Variants in SEMA3A observed in about 807,000 individuals in gnomAD.
SEMA3A encodes the protein semaphorin-3A.
A neutral mutation model predicts 97.9 loss-of-function variants in SEMA3A; 29 were observed. The ratio of observed to expected loss-of-function variants is 0.30; its 90% CI spans 0.22 to 0.40. The LOEUF (loss-of-function observed/expected upper bound fraction) is 0.40, where lower values mean the gene tolerates loss of function less well. Ranked by LOEUF, SEMA3A falls within the 10% of genes least tolerant of loss-of-function variation. The pLI, the probability that SEMA3A is intolerant of heterozygous loss-of-function variation, is 1.00. For synonymous variants in SEMA3A, 321 were observed against 323.7 expected, an observed-to-expected ratio of 0.99 and a Z score of 0.09; for missense variants, 763 against 951.3, an observed-to-expected ratio of 0.80 and a Z score of 2.60.
chr7:84,419,434 G>A (rs1026997738), intron 1 of SEMA3A, among the ~76,000 whole-genome samples: 2 of 151,712 alleles, frequency 1.3e-5, no homozygotes, highest in African/African-American at 4.8e-5. Flanking sequence ...AAAAAGCAGA[G>A]CTTTCAGCAA....
intron 2 of SEMA3A, among the ~76,000 whole-genome samples, chr7:84,370,749 A>C (rs1802953229): frequency 6.6e-6 from 1 of 151,674 alleles, no homozygotes; most frequent in African/African-American, 2.4e-5. Context: ...CATAGGGATG[A>C]AGTTGTAAGA....
intron 2 of SEMA3A, among the ~76,000 whole-genome samples, chr7:84,134,547 T>C (rs965375204): frequency 3.3e-5 from 5 of 152,188 alleles, no homozygotes; most frequent in Non-Finnish European, 7.3e-5. Context: ...AAAATAGATA[T>C]GAAAGGGTAA....
intron 1 of SEMA3A, among the ~76,000 whole-genome samples, chr7:84,174,465 C>G (rs1453751906): frequency 6.6e-6 from 1 of 152,152 alleles, no homozygotes; most frequent in Non-Finnish European, 1.5e-5. Context: ...AGAAGTTTCG[C>G]TTGAGCTTTG....
At chr7:84,465,197 A>G (rs1333151174) in intron 1 of SEMA3A, among the ~76,000 whole-genome samples, 1 of 152,208 alleles carries the variant, frequency 6.6e-6, no homozygotes, top group Non-Finnish European at 1.5e-5. Context: ...GATTATATAC[A>G]ACCAGTGTTT....
chr7:83,990,188 G>C (rs538876632), intron 12 of SEMA3A, among the ~76,000 whole-genome samples: 1 of 151,732 alleles, frequency 6.6e-6, no homozygotes, highest in Admixed American at 6.6e-5. Flanking sequence ...TTGTAAATTT[G>C]TTTGAGTTCA....
intron 3 of SEMA3A, among the ~76,000 whole-genome samples, chr7:84,298,580 CAGA>C (rs1800922823): frequency 6.6e-6 from 1 of 152,124 alleles, no homozygotes; most frequent in African/African-American, 2.4e-5. Flanking sequence ...CATACTCTAC[CAGA>C]AGAAGAGATG....
At chr7:84,264,102 T>C (rs998315568) in intron 3 of SEMA3A, among the ~76,000 whole-genome samples, 16 of 152,240 alleles carry the variant, frequency 1.1e-4, no homozygotes, top group Non-Finnish European at 1.6e-4. Context: ...AGTATATATA[T>C]TTTTATTTTT....
At chr7:84,489,770 T>TG (rs1367569412) in intron 1 of SEMA3A, among the ~76,000 whole-genome samples, 2 of 152,106 alleles carry the variant, frequency 1.3e-5, no homozygotes, top group African/African-American at 4.8e-5. Flanking sequence ...CTTTCTATCT[T>TG]GATGTCTAAT....
intron 3 of SEMA3A, among the ~76,000 whole-genome samples, chr7:84,302,242 G>C (rs1030925280): frequency 6.9e-5 from 9 of 129,594 alleles, no homozygotes; most frequent in African/African-American, 2.5e-4. Flanking sequence ...AAAGGAAAGA[G>C]TTAGGAATAA....
chr7:84,302,912 G>C (rs189946437), intron 3 of SEMA3A, among the ~76,000 whole-genome samples: 1 of 152,028 alleles, frequency 6.6e-6, no homozygotes, highest in East Asian at 1.9e-4. Flanking sequence ...GTTCCTTCTG[G>C]CTCAGAAATT....
At chr7:84,316,051 C>G (rs1056446265) in intron 2 of SEMA3A, among the ~76,000 whole-genome samples, 1 of 140,016 alleles carries the variant, frequency 7.1e-6, no homozygotes, top group East Asian at 2.1e-4. Flanking sequence ...CAGCTACTCA[C>G]GAAGTTGAGG....
In SEMA3A at chr7:84,216,268, G is replaced by A. The variant is rs532861394; in HGVS notation, c.-82-21600C>T. ...ACTACAGGCGCTCGCCACCACACCCGGCTAATTTTTGTATTTTTAGTAGAG... is the reference window on the plus strand; with the variant it reads ...ACTACAGGCGCTCGCCACCACACCCAGCTAATTTTTGTATTTTTAGTAGAG... On this transcript the variant is annotated intron_variant, in intron 3 of 3. Coordinates refer to the SEMA3A transcript ENST00000424555. 1.5e-3 allele frequency among the ~76,000 whole-genome samples: 232 copies of A among 152,082 alleles called. 2 individuals carry two copies. The highest frequency in any genetic ancestry group is 2.6e-3 in the Non-Finnish European group (175 of 67,976).
rs145039697 is a variant in SEMA3A at position 84,210,224 on chromosome 7, G to A, written c.-82-15556C>T. 2.8e-3 allele frequency among the ~76,000 whole-genome samples: 427 copies of A among 152,216 alleles called. 2 individuals are homozygous for A. Among genetic ancestry groups the A allele is most frequent in the African/African-American group, 9.8e-3 (405 of 41,538 alleles). The stretch of plus-strand genomic sequence containing the variant: ...GCCCTTGAGGAGGTCCCAATCTAAT[G>A]AGGGAAAGAGTTACATAAAAATAAA... On this transcript the variant is annotated intron_variant, in intron 3 of 3. Transcript: ENST00000424555.
chr7:84,367,467 C>T (rs1017008422), intron 2 of SEMA3A, among the ~76,000 whole-genome samples: 5 of 150,660 alleles, frequency 3.3e-5, no homozygotes, highest in African/African-American at 7.3e-5. Flanking sequence ...AGAAAAAAAT[C>T]GCCAAACAAT....
Position 84,071,586 on chromosome 7 carries a change from T to C in SEMA3A, c.454-11028A>G, listed in dbSNP as rs551860637. Among the ~76,000 whole-genome samples the C allele has an allele frequency of 2.4e-4, 36 of 152,252 alleles. No homozygotes were observed. The South Asian group carries it at 6.8e-3, about 29-fold the overall frequency. ...AAGCAGGTACAAATTTTACCTATTATGTAAAGATTAGGCCATGATGCACAG... is the reference window on the plus strand; with the variant it reads ...AAGCAGGTACAAATTTTACCTATTACGTAAAGATTAGGCCATGATGCACAG... On this transcript the variant is annotated intron_variant, in intron 4 of 16. Transcript: ENST00000265362.
chr7:83,973,021 G>A (rs1386297242), intron 15 of SEMA3A, among the ~76,000 whole-genome samples: 1 of 152,154 alleles, frequency 6.6e-6, no homozygotes, highest in Non-Finnish European at 1.5e-5. Context: ...ATATCAGAAT[G>A]TGTCTTACAA....
At chr7:84,166,889 A>C in intron 1 of SEMA3A, among the ~76,000 whole-genome samples, 1 of 151,194 alleles carries the variant, frequency 6.6e-6, no homozygotes, top group South Asian at 2.1e-4. Flanking sequence ...CTCAAAAAAA[A>C]AAAAAAAAAA....
At chr7:84,277,696 CA>C (rs1391747477) in intron 3 of SEMA3A, among the ~76,000 whole-genome samples, 3 of 152,200 alleles carry the variant, frequency 2.0e-5, no homozygotes, top group African/African-American at 4.8e-5. Flanking sequence ...ACATCTGCTT[CA>C]GGGGGGGCCT....
At chr7:84,036,661 AGT>A (rs1791950995) in intron 6 of SEMA3A, among the ~76,000 whole-genome samples, 1 of 152,194 alleles carries the variant, frequency 6.6e-6, no homozygotes, top group African/African-American at 2.4e-5. Flanking sequence ...ATTGATAAAC[AGT>A]AACTGAAATG....
Sources: allele counts gnomAD v4.1 joint callset (sites outside exome capture counted in the v4.1 genomes callset), GRCh38; gene constraint gnomAD v4.1.1; transcripts MANE v1.5; gene names NCBI Gene and HGNC (gene_info 2026-07-23, HGNC 2026-07-21).